FAM227B: variants seen among roughly 807,000 people sequenced by gnomAD.
FAM227B encodes family with sequence similarity 227 member B, also known as protein FAM227B.
In FAM227B, 88 loss-of-function variants were observed where a neutral mutation model predicts 73.8. The ratio of observed to expected loss-of-function variants is 1.19; its 90% CI spans 1.00 to 1.42. The LOEUF is 1.42. FAM227B is among the 40% of genes most tolerant of loss of function. The pLI is 0.00. For missense variants in FAM227B, 632 were observed against 590.9 expected (o/e 1.07, Z -0.72); for synonymous variants, 210 against 190.5 (o/e 1.10, Z -0.84).
chr15:49,479,599 G>GTTTTTTTTTTTTTTTTTTTTTTTTT (rs56097665), intron 11 of FAM227B, among the ~76,000 whole-genome samples: 1 of 63,292 alleles, frequency 1.6e-5, no homozygotes, highest in Non-Finnish European at 2.8e-5. Context: ...TAATACCTCT[G>GTTTTTTTTTTTTTTTTTTTTTTTTT]TTTTTTTTTT....
At chr15:49,461,650 A>G (rs537579660) in intron 11 of FAM227B, among the ~76,000 whole-genome samples, 1 of 152,360 alleles carries the variant, frequency 6.6e-6, no homozygotes, top group African/African-American at 2.4e-5. Flanking sequence ...CAGATAGTGC[A>G]GGTACAATAT....
chr15:49,362,183 T>C (rs2044357630), intron 13 of FAM227B, among the ~76,000 whole-genome samples: 1 of 152,134 alleles, frequency 6.6e-6, no homozygotes, highest in Admixed American at 6.5e-5. Flanking sequence ...GTAATCCCCA[T>C]GTGTTGGGGG....
At chr15:49,445,771 T>C (rs1193462393) in intron 11 of FAM227B, among the ~76,000 whole-genome samples, 2 of 151,548 alleles carry the variant, frequency 1.3e-5, no homozygotes, top group East Asian at 3.9e-4. Context: ...GTCCTGCTCA[T>C]GTTAGCCAAG....
intron 11 of FAM227B, chr15:49,396,354 G>T (rs778253441): frequency 3.8e-5 from 11 of 289,746 alleles, no homozygotes; most frequent in South Asian, 3.2e-4. Flanking sequence ...CTACGCCCAC[G>T]GAGTCTCGCT....
At chr15:49,615,939 C>CA (rs374955387) in intron 1 of FAM227B, among the ~76,000 whole-genome samples, 1 of 151,532 alleles carries the variant, frequency 6.6e-6, no homozygotes, top group African/African-American at 2.4e-5. Flanking sequence ...ATTATGGTCT[C>CA]AAAAAAAATG....
chr15:49,418,756 C>T (rs926415250), intron 11 of FAM227B, among the ~76,000 whole-genome samples: 1 of 151,492 alleles, frequency 6.6e-6, no homozygotes, highest in Admixed American at 6.6e-5. Context: ...AACAAATCTG[C>T]ACATGTACCC....
At chr15:49,353,135 C>T (rs1399738748) in intron 13 of FAM227B, among the ~76,000 whole-genome samples, 1 of 152,176 alleles carries the variant, frequency 6.6e-6, no homozygotes, top group Admixed American at 6.5e-5. Context: ...AATTCAGCCA[C>T]TGATAGTGTG....
intron 11 of FAM227B, among the ~76,000 whole-genome samples, chr15:49,404,430 G>T (rs1436542813): frequency 1.3e-5 from 2 of 152,154 alleles, no homozygotes; most frequent in Non-Finnish European, 2.9e-5. Flanking sequence ...GTTGCTTTAT[G>T]AATCTGGGTA....
intron 9 of FAM227B, among the ~76,000 whole-genome samples, chr15:49,549,079 TA>T (rs1361346534): frequency 1.3e-5 from 2 of 152,112 alleles, no homozygotes; most frequent in African/African-American, 4.8e-5. Flanking sequence ...TCTAATTCTT[TA>T]AGACACATTG....
intron 8 of FAM227B, among the ~76,000 whole-genome samples, chr15:49,570,501 ATTATT>A (rs1329128928): frequency 6.6e-6 from 1 of 151,790 alleles, no homozygotes; most frequent in East Asian, 1.9e-4. Context: ...ATTTTATCAA[ATTATT>A]TTATCAAATT....
intron 11 of FAM227B, among the ~76,000 whole-genome samples, chr15:49,393,004 C>T (rs893006403): frequency 6.6e-6 from 1 of 152,098 alleles, no homozygotes; most frequent in Admixed American, 6.5e-5. Flanking sequence ...CCAATCCTAC[C>T]ACTATGAAAA....
chr15:49,481,362 T>G (rs1179148246), intron 11 of FAM227B, among the ~76,000 whole-genome samples: 1 of 152,230 alleles, frequency 6.6e-6, no homozygotes, highest in Non-Finnish European at 1.5e-5. Context: ...TAGTACAAAT[T>G]TAACCTAATA....
chr15:49,518,914 C>T (rs1567466067), intron 10 of FAM227B, among the ~76,000 whole-genome samples: 1 of 152,206 alleles, frequency 6.6e-6, no homozygotes, highest in African/African-American at 2.4e-5. Flanking sequence ...AGTCCAAAAT[C>T]TCATCTGAGA....
chr15:49,533,417 G>C (rs1220128425), intron 10 of FAM227B, among the ~76,000 whole-genome samples: 1 of 151,486 alleles, frequency 6.6e-6, no homozygotes, highest in Non-Finnish European at 1.5e-5. Flanking sequence ...CAAGTCCTTT[G>C]TTTCCCTACT....
At chr15:49,573,031 T>C (rs1006420606) in intron 8 of FAM227B, among the ~76,000 whole-genome samples, 3 of 151,932 alleles carry the variant, frequency 2.0e-5, no homozygotes, top group African/African-American at 7.2e-5. Flanking sequence ...CTGAACTTTC[T>C]CTTTCTGGAG....
At position 49,511,522 on chromosome 15, in the gene FAM227B, G is replaced by A. The variant is rs144786811; in HGVS notation, c.875-3174C>T. Among the ~76,000 whole-genome samples the A allele has an allele frequency of 3.5e-3, 531 of 151,876 alleles. 11 individuals carry two copies. Among genetic ancestry groups the A allele is most frequent in the Admixed American group, 0.025 (383 of 15,248 alleles). On this transcript the variant is annotated intron_variant, in intron 10 of 15. Coordinates refer to ENST00000299338, the MANE Select transcript of FAM227B (RefSeq NM_152647.3). The stretch of plus-strand genomic sequence containing the variant: ...GTGCAGGTTTGTTATATAGATAAAC[G>A]TGTACTATGATGATTTGCTGCACAG...
intron 11 of FAM227B, among the ~76,000 whole-genome samples, chr15:49,503,127 T>C (rs890769864): frequency 6.6e-6 from 1 of 152,152 alleles, no homozygotes; most frequent in Admixed American, 6.5e-5. Context: ...GCCACACATC[T>C]ATAACTATCT....
intron 15 of FAM227B, chr15:49,328,988 C>A (rs969553421): frequency 1.9e-4 from 200 of 1,037,456 alleles, no homozygotes; most frequent in Non-Finnish European, 2.2e-4. Flanking sequence ...TCAGATAATT[C>A]AGTTTGTTCA....
At chr15:49,341,223 C>G (rs2040683827) in intron 13 of FAM227B, among the ~76,000 whole-genome samples, 1 of 151,958 alleles carries the variant, frequency 6.6e-6, no homozygotes, top group African/African-American at 2.4e-5. Flanking sequence ...GTTCTTTTTG[C>G]TTAGGATTTT....
Sources: gnomAD v4.1 joint callset for allele counts (sites outside exome capture counted in the v4.1 genomes callset) on GRCh38, gnomAD v4.1.1 for gene constraint, MANE v1.5 for transcripts, NCBI Gene and HGNC (gene_info 2026-07-23, HGNC 2026-07-21) for gene names.